The following L3MBTL3 variants were observed in gnomAD, a reference collection of about 807,000 sequenced individuals.
The protein encoded by L3MBTL3 is L3MBTL histone methyl-lysine binding protein 3.
Under a neutral mutation model 102.3 loss-of-function variants are expected in L3MBTL3, and 27 were observed. The observed-to-expected ratio is 0.26, with a 90% CI of 0.19 to 0.36. L3MBTL3 has a LOEUF of 0.36. Ranked by LOEUF, L3MBTL3 falls within the 10% of genes least tolerant of loss-of-function variation. The pLI, the probability that L3MBTL3 is intolerant of heterozygous loss-of-function variation, is 1.00. For synonymous variants in L3MBTL3, 340 were observed against 320.9 expected (o/e 1.06, Z -0.64); for missense variants, 798 against 955.3 (o/e 0.84, Z 2.17).
intron 2 of L3MBTL3, among the ~76,000 whole-genome samples, chr6:130,027,159 G>A (rs1779407701): frequency 6.6e-6 from 1 of 152,248 alleles, no homozygotes; most frequent in Middle Eastern, 3.4e-3. Flanking sequence ...TGTTATATGA[G>A]TTACGGTGGA....
intron 22 of L3MBTL3, among the ~76,000 whole-genome samples, chr6:130,136,492 A>T (rs2114468411): frequency 6.6e-6 from 1 of 152,274 alleles, no homozygotes; most frequent in East Asian, 1.9e-4. Context: ...TCTTCTGCTC[A>T]GATGCCAGCT....
intron 19 of L3MBTL3, among the ~76,000 whole-genome samples, chr6:130,112,390 TC>T (rs1785409438): frequency 1.3e-5 from 2 of 152,252 alleles, no homozygotes; most frequent in Admixed American, 1.3e-4. Flanking sequence ...CAGTTAAAAC[TC>T]CTACACTTTG....
chr6:130,131,265 G>T (rs1441378030), intron 20 of L3MBTL3, among the ~76,000 whole-genome samples: 1 of 152,136 alleles, frequency 6.6e-6, no homozygotes, highest in Non-Finnish European at 1.5e-5. Context: ...CATTAATCAT[G>T]GAATGCATTT....
chr6:130,120,163 C>G (rs1238027261), intron 19 of L3MBTL3, among the ~76,000 whole-genome samples: 3 of 151,926 alleles, frequency 2.0e-5, no homozygotes, highest in Non-Finnish European at 2.9e-5. Context: ...TATTGTGAAC[C>G]CTGAGAATGG....
intron 13 of L3MBTL3, among the ~76,000 whole-genome samples, chr6:130,072,152 G>A (rs979070346): frequency 2.0e-5 from 3 of 151,520 alleles, no homozygotes; most frequent in Non-Finnish European, 2.9e-5. Context: ...AAGAAAAATA[G>A]CAATACAATA....
At chr6:130,051,045 A>G (rs1053827182) in intron 5 of L3MBTL3, among the ~76,000 whole-genome samples, 13 of 152,164 alleles carry the variant, frequency 8.5e-5, no homozygotes, top group African/African-American at 3.1e-4. Flanking sequence ...TTTCTGCAGA[A>G]TATTTTTTCA....
At chr6:130,027,628 C>T (rs1453242994) in intron 2 of L3MBTL3, among the ~76,000 whole-genome samples, 2 of 151,928 alleles carry the variant, frequency 1.3e-5, no homozygotes, top group Non-Finnish European at 2.9e-5. Context: ...AAAATCTAGC[C>T]AAATCTAATT....
intron 19 of L3MBTL3, among the ~76,000 whole-genome samples, chr6:130,120,370 G>T (rs1786062420): frequency 6.6e-6 from 1 of 152,160 alleles, no homozygotes; most frequent in African/African-American, 2.4e-5. Flanking sequence ...TCAGAAAGAG[G>T]TGAAATCACT....
chr6:130,073,238 A>G (rs1024461498), intron 13 of L3MBTL3, among the ~76,000 whole-genome samples: 1 of 152,080 alleles, frequency 6.6e-6, no homozygotes, highest in African/African-American at 2.4e-5. Context: ...AAGACCCCTG[A>G]CTCTACATAA....
intron 2 of L3MBTL3, among the ~76,000 whole-genome samples, chr6:130,033,208 T>A (rs1377468163): frequency 2.0e-5 from 3 of 151,828 alleles, no homozygotes; most frequent in African/African-American, 7.3e-5. Flanking sequence ...GCTGGGTGAG[T>A]CGGGTGGGGA....
Position 130,056,228 on chromosome 6 carries a change from C to CT in L3MBTL3, c.667+981dup, listed in dbSNP as rs987912929. On this transcript the variant is annotated intron_variant, in intron 8 of 22. Transcript: ENST00000361794. Reference sequence around the variant, plus strand: ...CAGGCATGAGCCACTGTGCCTGGCCCTTTTTTTTGTTTGTTTCATTGTTCC... The same window carrying CT: ...CAGGCATGAGCCACTGTGCCTGGCCCTTTTTTTTTGTTTGTTTCATTGTTCC... Among the ~76,000 whole-genome samples, 276 of 152,018 alleles carry CT rather than the reference C, an allele frequency of 1.8e-3. 3 individuals carry two copies. Among genetic ancestry groups the CT allele is most frequent in the African/African-American group, 5.6e-3 (234 of 41,488 alleles).
chr6:130,044,785 A>G (rs561795304), intron 3 of L3MBTL3, among the ~76,000 whole-genome samples: 10 of 152,306 alleles, frequency 6.6e-5, no homozygotes, highest in Admixed American at 6.5e-4. Context: ...TTTCTAATTC[A>G]CTTGCTTCCT....
At chr6:130,108,455 C>G (rs1319072816) in intron 19 of L3MBTL3, among the ~76,000 whole-genome samples, 2 of 151,846 alleles carry the variant, frequency 1.3e-5, no homozygotes, top group African/African-American at 2.4e-5. Context: ...AGGATGGTCT[C>G]AATCTCCTGA....
intron 19 of L3MBTL3, among the ~76,000 whole-genome samples, chr6:130,105,569 C>G (rs1374644611): frequency 6.9e-6 from 1 of 144,010 alleles, no homozygotes; most frequent in Non-Finnish European, 1.5e-5. Context: ...CTGCAGTGAG[C>G]CAGGATCATG....
chr6:130,071,116 C>G lies in L3MBTL3; in HGVS notation c.1233C>G (p.Ser411Arg), dbSNP rs1388784888. 6.2e-7 allele frequency: 1 copy of G among 1,611,448 alleles called. No individual in the cohort carries two copies. The highest frequency in any genetic ancestry group is 8.5e-7 in the Non-Finnish European group (1 of 1,178,612). ...TACATTTTGACAACTGGGATGAGAGCTATGACTATTGGTGAGACATTTTCT... is the reference window on the plus strand; with the variant it reads ...TACATTTTGACAACTGGGATGAGAGGTATGACTATTGGTGAGACATTTTCT... Reference protein sequence around the residue: ...FLVHFDNWDESYDYWCEASSP... With the variant: ...FLVHFDNWDERYDYWCEASSP... Residue 411 changes from serine (S) to arginine (R), a missense_variant, in exon 13 of 23, where the codon AGC becomes AGG. Ser to Arg is a moderately radical substitution (Grantham distance 110, BLOSUM62 -1). Transcript: ENST00000361794.
chr6:130,048,460 A>AAC (rs372156171), intron 3 of L3MBTL3, among the ~76,000 whole-genome samples: 1,577 of 152,198 alleles, frequency 0.01, 31 homozygotes, highest in African/African-American at 0.034. Context: ...GTAAGCCTTC[A>AAC]ACACACACAC....
chr6:130,074,077 C>G (rs1207270814), intron 13 of L3MBTL3, among the ~76,000 whole-genome samples: 1 of 152,062 alleles, frequency 6.6e-6, no homozygotes, highest in African/African-American at 2.4e-5. Context: ...GCATAAATTA[C>G]TTAGGTATGT....
chr6:130,086,349 T>C (rs529264912), intron 16 of L3MBTL3, 99 bp downstream of exon 16: 2 of 761,318 alleles, frequency 2.6e-6, no homozygotes, highest in South Asian at 3.4e-5. Context: ...CTGTAATTAG[T>C]AAAATCATAG....
intron 11 of L3MBTL3, among the ~76,000 whole-genome samples, 169 bp from the exon 12 acceptor site, chr6:130,068,161 A>G (rs1195686651): frequency 6.6e-6 from 1 of 152,220 alleles, no homozygotes; most frequent in East Asian, 1.9e-4. Flanking sequence ...CAGTTTGTTG[A>G]AAATAAACAT....
Sources: gnomAD v4.1 joint callset for allele counts (sites outside exome capture counted in the v4.1 genomes callset) on GRCh38, gnomAD v4.1.1 for gene constraint, MANE v1.5 for transcripts, NCBI Gene and HGNC (gene_info 2026-07-23, HGNC 2026-07-21) for gene names.